Variants in COPS6 observed in about 807,000 individuals in gnomAD.
The protein encoded by COPS6 is COP9 signalosome complex subunit 6.
In COPS6, 9 loss-of-function variants were observed where a neutral mutation model predicts 41.0. The ratio of observed to expected loss-of-function variants is 0.22; its 90% CI spans 0.13 to 0.38. COPS6 has a LOEUF of 0.38. Ranked by LOEUF, COPS6 falls within the 10% of genes least tolerant of loss-of-function variation. The probability of loss-of-function intolerance (pLI) is 1.00; values close to 1 mark genes in which losing one functional copy is unlikely to be tolerated. For synonymous variants in COPS6, 179 were observed against 162.9 expected (o/e 1.10, Z -0.75); for missense variants, 302 against 436.7 (o/e 0.69, Z 2.75).
At position 100,091,882 on chromosome 7, in the gene COPS6, T is replaced by A. The variant is rs1476746025; in HGVS notation, c.*93T>A. ...CCTTGAGAGAAACCGCTGTCATTAA[T>A]AAAAGGGGAGCAGCCCCTGAGCACC... On this transcript the variant is annotated 3_prime_UTR_variant, in exon 10 of 10. Transcript: ENST00000303904. The surrounding 1 kb of genome is among the most constrained non-coding windows in gnomAD (Gnocchi z 4.1). The A allele has an allele frequency of 5.2e-6, 8 of 1,540,760 alleles. No individual in the cohort carries two copies. In the African/African-American group the frequency reaches 1.1e-4, roughly 21 times the overall value.
chr7:100,089,168 C>T, intron 1 of COPS6, 102 bp downstream of exon 1: 2 of 1,513,862 alleles, frequency 1.3e-6, no homozygotes, highest in Non-Finnish European at 8.9e-7. Flanking sequence ...GCAGCAACAT[C>T]TTTCCCTGGG....
In COPS6 at chr7:100,091,217, C is replaced by T. The variant is rs745864873; in HGVS notation, c.650-21C>T. The T allele has an allele frequency of 6.2e-7, 1 of 1,614,116 alleles. No individual in the cohort carries two copies. The highest frequency in any genetic ancestry group is 1.1e-5 in the South Asian group (1 of 91,090). On this transcript the variant is annotated intron_variant, in intron 7 of 9. Coordinates refer to ENST00000303904, the MANE Select transcript of COPS6 (RefSeq NM_006833.5). The surrounding 1 kb of genome is among the most constrained non-coding windows in gnomAD (Gnocchi z 4.1). ...TGGCCACATCCCGTCTCAACCTCCT[C>T]CTGTCCTCATCCCCTTGCAGTGGCT...
chr7:100,091,907 C>T lies in COPS6; in HGVS notation c.*118C>T. On this transcript the variant is annotated 3_prime_UTR_variant, in exon 10 of 10. Coordinates refer to ENST00000303904, the MANE Select transcript of COPS6 (RefSeq NM_006833.5). This position sits in a 1 kb window ranked among gnomAD's most constrained non-coding sequence, Gnocchi z 4.1. Reference sequence around the variant, plus strand: ...TAAAAGGGGAGCAGCCCCTGAGCACCCCTGCTGGTGGCTCTGTCCTCTGTT... The same window carrying T: ...TAAAAGGGGAGCAGCCCCTGAGCACTCCTGCTGGTGGCTCTGTCCTCTGTT... 1.5e-6 allele frequency: 2 copies of T among 1,339,018 alleles called. No individual in the cohort carries two copies. The highest frequency in any genetic ancestry group is 2.1e-6 in the Non-Finnish European group (2 of 966,836). 82.9% of individuals were successfully genotyped at this position (1,339,018 alleles called of 1,614,324 possible). A position where few individuals can be genotyped will look rare whatever the true frequency, so the allele number is the denominator to read the frequency against.
rs922547777 is a variant in COPS6, at chr7:100,091,094, C to T, written c.591C>T (p.Arg197=). Residue 197 remains arginine (R), a synonymous_variant, in exon 7 of 10, where the codon CGC becomes CGT. Transcript: ENST00000303904. This position sits in a 1 kb window ranked among gnomAD's most constrained non-coding sequence, Gnocchi z 4.1. ...CTCTGGCCACAGAGGAAGCGGAACG[C>T]ATTGGTGTAGACCACGTAGCCCGAA... ...TYTLATEEAE[R]IGVDHVARMT... The T allele has an allele frequency of 3.7e-5, 60 of 1,614,136 alleles. No homozygotes were observed. Among genetic ancestry groups the T allele is most frequent in the Non-Finnish European group, 5.0e-5 (59 of 1,180,058 alleles).
chr7:100,091,342 GCTT>G lies in COPS6; in HGVS notation c.742+14_742+16del. ...GGCCTCTGAAGCGGGTAGGACAGGG[GCTT>G]CCCTGGCATTCTTCCTCTCCCTCCT... On this transcript the variant is annotated intron_variant, in intron 8 of 9. Transcript: ENST00000303904. The surrounding 1 kb of genome is among the most constrained non-coding windows in gnomAD (Gnocchi z 4.1). 1 of 1,613,864 alleles carries G rather than the reference GCTT, an allele frequency of 6.2e-7. No homozygotes were observed. Among genetic ancestry groups the G allele is most frequent in the Non-Finnish European group, 8.5e-7 (1 of 1,179,744 alleles).
Position 100,091,279 on chromosome 7 carries a change from C to T in COPS6, c.691C>T (p.Leu231=). 6.2e-7 allele frequency: 1 copy of T among 1,614,206 alleles called. No individual in the cohort carries two copies. Among genetic ancestry groups the T allele is most frequent in the South Asian group, 1.1e-5 (1 of 91,086 alleles). ...AGCACAGCACAGCGCCATCAAGATG[C>T]TGCACAGCCGCGTCAAGCTCATCTT... The part of the protein sequence containing the change: ...LIAQHSAIKM[L]HSRVKLILEY... The change falls in exon 8 of 10, where the codon CTG becomes TTG. Residue 231 remains leucine (L), a synonymous_variant. Coordinates refer to ENST00000303904, the MANE Select transcript of COPS6 (RefSeq NM_006833.5). The surrounding 1 kb of genome is among the most constrained non-coding windows in gnomAD (Gnocchi z 4.1).
At position 100,092,089 on chromosome 7, in the gene COPS6, C is replaced by T; in HGVS notation, c.*300C>T. Reference sequence around the variant, plus strand: ...GGTCTTTAGCAAAGTCCAAGGCTGCCTGCTTCCACCTAAGTGGTCTCTGTT... The same window carrying T: ...GGTCTTTAGCAAAGTCCAAGGCTGCTTGCTTCCACCTAAGTGGTCTCTGTT... On this transcript the variant is annotated 3_prime_UTR_variant, in exon 10 of 10. Coordinates refer to ENST00000303904, the MANE Select transcript of COPS6 (RefSeq NM_006833.5). 1 of 397,426 alleles carries T rather than the reference C, an allele frequency of 2.5e-6. No individual in the cohort carries two copies. Among genetic ancestry groups the T allele is most frequent in the South Asian group, 3.4e-5 (1 of 29,768 alleles). 24.6% of individuals were successfully genotyped at this position (397,426 alleles called of 1,614,324 possible).
chr7:100,091,533 C>G lies in COPS6; in HGVS notation c.843+13C>G, dbSNP rs1795319157. ...AGATTTTTATGATGTGAGTGTAAAACCCGGATGGGGAGGCGGGGCTTATGC... is the reference window on the plus strand; with the variant it reads ...AGATTTTTATGATGTGAGTGTAAAAGCCGGATGGGGAGGCGGGGCTTATGC... On this transcript the variant is annotated intron_variant, in intron 9 of 9. Transcript: ENST00000303904. The surrounding 1 kb of genome is among the most constrained non-coding windows in gnomAD (Gnocchi z 4.1). 1 of 1,613,790 alleles carries G rather than the reference C, an allele frequency of 6.2e-7. No homozygotes were observed. The highest frequency in any genetic ancestry group is 1.1e-5 in the South Asian group (1 of 91,080).
chr7:100,089,254 G>A, intron 1 of COPS6, 36 bp from the exon 2 acceptor site: 2 of 1,594,704 alleles, frequency 1.3e-6, no homozygotes, highest in African/African-American at 1.3e-5. Context: ...CGTGGGGCCC[G>A]GACTCTCACC....
Position 100,088,981 on chromosome 7 carries a change from C to T in COPS6, c.-10C>T. The T allele has an allele frequency of 1.5e-6, 2 of 1,314,790 alleles. No homozygotes were observed. Among genetic ancestry groups the T allele is most frequent in the South Asian group, 2.5e-5 (1 of 39,888 alleles). 81.4% of individuals were successfully genotyped at this position (1,314,790 alleles called of 1,614,324 possible). A position where few individuals can be genotyped will look rare whatever the true frequency, so the allele number is the denominator to read the frequency against. On this transcript the variant is annotated 5_prime_UTR_variant, in exon 1 of 10. Coordinates refer to ENST00000303904, the MANE Select transcript of COPS6 (RefSeq NM_006833.5). ...AGGGGGCGGGGCCGAGGCTGGCGGG[C>T]GCGGGGAAAATGGCGGCGGCGGCGG...
At chr7:100,090,547 A>G (rs1426651713) in intron 4 of COPS6, 45 bp from the exon 5 acceptor site, 1 of 1,610,916 alleles carries the variant, frequency 6.2e-7, no homozygotes, top group Non-Finnish European at 8.5e-7. Flanking sequence ...GGGAAGGAGA[A>G]AGGTAGGGGG....
intron 3 of COPS6, 114 bp from the exon 4 acceptor site, chr7:100,090,285 T>G (rs1584479181): frequency 1.4e-6 from 1 of 724,560 alleles, no homozygotes; most frequent in Non-Finnish European, 2.3e-6. Context: ...GAGGCGGAGG[T>G]TGTGGTGAGC....
chr7:100,089,380 T>G lies in COPS6; in HGVS notation c.167T>G (p.Ile56Ser). Residue 56 changes from isoleucine (I) to serine (S), a missense_variant, in exon 2 of 10, where the codon ATC becomes AGC. By Grantham distance (142) the Ile-to-Ser change is moderately radical (BLOSUM62 -2). Coordinates refer to ENST00000303904, the MANE Select transcript of COPS6 (RefSeq NM_006833.5). ...ATTCTCAACATCTCAGACCACTGGA[T>G]CCGCATGCGCTCCCAGGAGGGGCGG... ...LVILNISDHWIRMRSQEGRPV... is the reference protein window; with the variant it reads ...LVILNISDHWSRMRSQEGRPV... 1 of 1,614,092 alleles carries G rather than the reference T, an allele frequency of 6.2e-7. No homozygotes were observed. Among genetic ancestry groups the G allele is most frequent in the Non-Finnish European group, 8.5e-7 (1 of 1,180,018 alleles).
At chr7:100,089,779 G>C in intron 3 of COPS6, 33 bp downstream of exon 3, 1 of 1,602,880 alleles carries the variant, frequency 6.2e-7, no homozygotes, top group Non-Finnish European at 8.5e-7. Context: ...GAAGAGGAGT[G>C]GGAGTTAAAA....
At chr7:100,089,456 A>T (rs1795281844) in intron 2 of COPS6, 41 bp downstream of exon 2, 1 of 1,611,226 alleles carries the variant, frequency 6.2e-7, no homozygotes, top group African/African-American at 1.3e-5. Flanking sequence ...CTCCTTGCTC[A>T]CCTCCCCCAG....
Position 100,090,411 on chromosome 7 carries a change from T to A in COPS6, c.347T>A (p.Phe116Tyr). 5 of 1,613,246 alleles carry A rather than the reference T, an allele frequency of 3.1e-6. No homozygotes were observed. The highest frequency in any genetic ancestry group is 4.2e-6 in the Non-Finnish European group (5 of 1,179,506). The change falls in exon 4 of 10, where the codon TTC becomes TAC. Residue 116 changes from phenylalanine to tyrosine, a missense_variant. By Grantham distance (22) the Phe-to-Tyr change is conservative. Transcript: ENST00000303904. ...YTKEEQFKQV[F>Y]KELEFLGWYT... is the part of the protein sequence containing the mutation. ...CCTTCCCCTCTAGTTAAACAGGTGT[T>A]CAAGGAGCTGGAGTTTCTGGGTTGG...
Position 100,090,889 on chromosome 7 carries a change from G to T in COPS6, c.487-13G>T, listed in dbSNP as rs753926993. 6.2e-7 allele frequency: 1 copy of T among 1,614,074 alleles called. No homozygotes were observed. Among genetic ancestry groups the T allele is most frequent in the Non-Finnish European group, 8.5e-7 (1 of 1,179,948 alleles). The stretch of plus-strand genomic sequence containing the variant: ...TGGCATATAGTGTTCAGGTTTCTCC[G>T]TCTCCTTCACAGCTTCCTGTCAGCG... On this transcript the variant is annotated splice_polypyrimidine_tract_variant and intron_variant, in intron 5 of 9. Transcript: ENST00000303904.
At position 100,091,606 on chromosome 7, in the gene COPS6, C is replaced by G; in HGVS notation, c.844-43C>G. 6.2e-7 allele frequency: 1 copy of G among 1,613,844 alleles called. No individual in the cohort carries two copies. The highest frequency in any genetic ancestry group is 8.5e-7 in the Non-Finnish European group (1 of 1,179,798). ...GGGGACTGTTGTTCCCCGGGCATGC[C>G]ACGAGGGATCCCGAGGAACTGGTCC... On this transcript the variant is annotated intron_variant, in intron 9 of 9. Transcript: ENST00000303904. The surrounding 1 kb of genome is among the most constrained non-coding windows in gnomAD (Gnocchi z 4.1).
intron 2 of COPS6, 51 bp from the exon 3 acceptor site, chr7:100,089,564 G>A (rs373332701): frequency 4.4e-6 from 7 of 1,603,638 alleles, no homozygotes; most frequent in South Asian, 1.1e-5. Context: ...AGACCCTCAG[G>A]TCATAGAAGT....
Sources: gnomAD v4.1 joint callset for allele counts on GRCh38, gnomAD v4.1.1 for gene constraint, Gnocchi (gnomAD v3.1) non-coding constraint, MANE v1.5 for transcripts, NCBI Gene and HGNC (gene_info 2026-07-23, HGNC 2026-07-21) for gene names.